SLC17A6: variants seen among roughly 807,000 people sequenced by gnomAD.
SLC17A6 encodes vesicular glutamate transporter 2.
Under a neutral mutation model 67.1 loss-of-function variants are expected in SLC17A6, and 35 were observed. That is an observed-to-expected ratio of 0.52 (90% CI 0.40 to 0.69). The LOEUF is 0.69. SLC17A6 is among the 30% of genes least tolerant of loss of function. The pLI, the probability that SLC17A6 is intolerant of heterozygous loss-of-function variation, is 0.00. For synonymous variants in SLC17A6, 285 were observed against 252.3 expected (o/e 1.13, Z -1.23); for missense variants, 588 against 723.9 (o/e 0.81, Z 2.15).
chr11:22,375,812 A>G (rs373546628), intron 9 of SLC17A6, among the ~76,000 whole-genome samples, 170 bp from the exon 10 acceptor site: 16 of 152,148 alleles, frequency 1.1e-4, no homozygotes, highest in African/African-American at 3.9e-4. Flanking sequence ...GGAAAGCTTC[A>G]TGAATCTCTA....
chr11:22,353,525 G>T (rs4922996), intron 3 of SLC17A6, among the ~76,000 whole-genome samples: 46,305 of 151,894 alleles, frequency 0.3, 7,572 homozygotes, highest in East Asian at 0.65. Context: ...ATTTTCACAG[G>T]GTAATAAAAA....
rs147140584 is a variant in SLC17A6 at position 22,344,846 on chromosome 11, T to C, written c.458+1481T>C. Among the ~76,000 whole-genome samples the C allele has an allele frequency of 9.7e-4, 148 of 152,314 alleles. 2 individuals are homozygous for C. In the South Asian group the frequency reaches 0.018, roughly 19 times the overall value. On this transcript the variant is annotated intron_variant, in intron 3 of 11. Coordinates refer to ENST00000263160, the MANE Select transcript of SLC17A6 (RefSeq NM_020346.3). ...TATTATTGATTATGAGCATGTTATA[T>C]TTTTGGTTTTTAGATCCCCAATATA...
At chr11:22,361,643 A>G (rs1856053976) in intron 5 of SLC17A6, among the ~76,000 whole-genome samples, 1 of 152,192 alleles carries the variant, frequency 6.6e-6, no homozygotes, top group African/African-American at 2.4e-5. Context: ...GGGAAATAGA[A>G]TTAATGAACA....
rs547432066 is a variant in SLC17A6, at chr11:22,351,503, A to G, written c.459-7910A>G. Among the ~76,000 whole-genome samples, 10 of 152,266 alleles carry G rather than the reference A, an allele frequency of 6.6e-5. No homozygotes were observed. The East Asian group carries it at 1.9e-3, about 29-fold the overall frequency. The stretch of plus-strand genomic sequence containing the variant: ...TTACTCTTGAGAAAACTGAATACAG[A>G]ATCGTTTTCCCCGATACACTAGATG... On this transcript the variant is annotated intron_variant, in intron 3 of 11. Transcript: ENST00000263160.
At chr11:22,374,971 C>A in intron 9 of SLC17A6, 84 bp downstream of exon 9, 3 of 1,295,504 alleles carry the variant, frequency 2.3e-6, no homozygotes, top group Non-Finnish European at 3.1e-6. Context: ...CTACACATAT[C>A]AAATTACTTA....
At position 22,341,789 on chromosome 11, in the gene SLC17A6, C is replaced by A. The variant is rs751638414; in HGVS notation, c.339+9C>A. ...GCAAGGTCATCAAGGAGGTGGGCAA[C>A]GTCTGGCCGCCCTGGCTCCTGCCCT... On this transcript the variant is annotated intron_variant, in intron 2 of 11. Transcript: ENST00000263160. 1.9e-6 allele frequency: 3 copies of A among 1,612,630 alleles called. No homozygotes were observed. Among genetic ancestry groups the A allele is most frequent in the Non-Finnish European group, 2.5e-6 (3 of 1,178,992 alleles).
intron 7 of SLC17A6, among the ~76,000 whole-genome samples, chr11:22,368,238 AC>A (rs1856135414): frequency 6.6e-6 from 1 of 152,088 alleles, no homozygotes; most frequent in Non-Finnish European, 1.5e-5. Context: ...AATTTCTAAT[AC>A]CATCTATATT....
intron 3 of SLC17A6, among the ~76,000 whole-genome samples, chr11:22,357,595 T>G (rs1286666093): frequency 6.6e-6 from 1 of 152,128 alleles, no homozygotes; most frequent in Admixed American, 6.5e-5. Context: ...GTTAAGAAAC[T>G]AAGCTAAAGA....
Position 22,370,080 on chromosome 11 carries a change from A to G in SLC17A6, c.933A>G (p.Pro311=). Residue 311 remains proline, a synonymous_variant, in exon 8 of 12, where the codon CCA becomes CCG. Transcript: ENST00000263160. ...TPWRKFFTSM[P]VYAIIVANFC... ...GGAGGAAGTTTTTTACATCCATGCC[A>G]GTCTATGCAATAATTGTTGCAAACT... 2 of 1,612,024 alleles carry G rather than the reference A, an allele frequency of 1.2e-6. No individual in the cohort carries two copies. Among genetic ancestry groups the G allele is most frequent in the Non-Finnish European group, 1.7e-6 (2 of 1,179,148 alleles).
chr11:22,348,684 T>G (rs1855904978), intron 3 of SLC17A6, among the ~76,000 whole-genome samples: 1 of 152,158 alleles, frequency 6.6e-6, no homozygotes, highest in African/African-American at 2.4e-5. Flanking sequence ...TGCAACTCAA[T>G]TTACATGCTG....
Position 22,359,396 on chromosome 11 carries a change from C to T in SLC17A6, c.459-17C>T. On this transcript the variant is annotated splice_polypyrimidine_tract_variant and intron_variant, in intron 3 of 11. Transcript: ENST00000263160. ...TGCTGAATCATTTAAACAGTGTTCT[C>T]ATCTTTTCTATTTCAGGGTTTTCGG... 2.0e-6 allele frequency: 3 copies of T among 1,505,174 alleles called. No homozygotes were observed. The highest frequency in any genetic ancestry group is 1.8e-6 in the Non-Finnish European group (2 of 1,104,346). The allele number at this position is 1,505,174 out of a possible 1,614,324, so 93.2% of individuals were successfully genotyped here. A position where few individuals can be genotyped will look rare whatever the true frequency, so the allele number is the denominator to read the frequency against.
chr11:22,377,842 C>A lies in SLC17A6; in HGVS notation c.*102C>A, dbSNP rs1856249433. 1 of 926,484 alleles carries A rather than the reference C, an allele frequency of 1.1e-6. No individual in the cohort carries two copies. The highest frequency in any genetic ancestry group is 1.6e-6 in the Non-Finnish European group (1 of 629,588). 57.4% of individuals were successfully genotyped at this position (926,484 alleles called of 1,614,324 possible). A position where few individuals can be genotyped will look rare whatever the true frequency, so the allele number is the denominator to read the frequency against. ...TGATGTAAACTTGCAAGCATATCAA[C>A]CAGGCAAGTCTTGCTGTAAAAATGA... On this transcript the variant is annotated 3_prime_UTR_variant, in exon 12 of 12. Transcript: ENST00000263160.
chr11:22,345,280 A>C (rs1855864396), intron 3 of SLC17A6, among the ~76,000 whole-genome samples: 1 of 150,918 alleles, frequency 6.6e-6, no homozygotes, highest in Non-Finnish European at 1.5e-5. Flanking sequence ...ATGCTGACTC[A>C]GGTTCTAATT....
intron 5 of SLC17A6, among the ~76,000 whole-genome samples, chr11:22,362,491 C>G (rs1024641803): frequency 6.6e-6 from 1 of 152,104 alleles, no homozygotes; most frequent in Non-Finnish European, 1.5e-5. Flanking sequence ...CAGCATGTCT[C>G]CATTATTATT....
At chr11:22,348,747 C>T (rs1030969075) in intron 3 of SLC17A6, among the ~76,000 whole-genome samples, 1 of 152,012 alleles carries the variant, frequency 6.6e-6, no homozygotes, top group African/African-American at 2.4e-5. Context: ...AAAAGCATGG[C>T]TTTAAAATTT....
intron 6 of SLC17A6, among the ~76,000 whole-genome samples, chr11:22,363,326 T>C (rs1295196537): frequency 6.6e-6 from 1 of 152,196 alleles, no homozygotes; most frequent in East Asian, 1.9e-4. Context: ...GCAGCATATC[T>C]CAGTCCTCCA....
chr11:22,370,235 T>C (rs751272894), intron 8 of SLC17A6, 47 bp downstream of exon 8: 2 of 1,495,980 alleles, frequency 1.3e-6, no homozygotes, highest in Non-Finnish European at 1.8e-6. Context: ...CCTGTGTATT[T>C]AAGTGAATAC....
intron 1 of SLC17A6, among the ~76,000 whole-genome samples, chr11:22,341,083 G>A (rs918369153): frequency 1.3e-5 from 2 of 152,220 alleles, no homozygotes; most frequent in East Asian, 1.9e-4. Flanking sequence ...TGTGTTGCAG[G>A]AGGACACCGC....
At chr11:22,357,991 A>G (rs2133868118) in intron 3 of SLC17A6, among the ~76,000 whole-genome samples, 2 of 152,340 alleles carry the variant, frequency 1.3e-5, no homozygotes, top group African/African-American at 4.8e-5. Flanking sequence ...TATAATCAAT[A>G]GAAAAAGTTT....
Sources: allele counts gnomAD v4.1 joint callset (sites outside exome capture counted in the v4.1 genomes callset), GRCh38; gene constraint gnomAD v4.1.1; transcripts MANE v1.5; gene names NCBI Gene and HGNC (gene_info 2026-07-23, HGNC 2026-07-21).